The following NWD1 variants were observed in gnomAD, a reference collection of about 807,000 sequenced individuals.
The protein encoded by NWD1 is NACHT domain- and WD repeat-containing protein 1.
A neutral mutation model predicts 135.1 loss-of-function variants in NWD1; 129 were observed. The observed-to-expected ratio is 0.96, with a 90% CI of 0.83 to 1.11. The LOEUF (loss-of-function observed/expected upper bound fraction) is 1.11, where lower values mean the gene tolerates loss of function less well. NWD1 is among the 50% of genes least tolerant of loss of function. NWD1 has a pLI of 0.00. For synonymous variants in NWD1, 773 were observed against 786.0 expected (o/e 0.98, Z 0.28); for missense variants, 1,740 against 1,851.3 (o/e 0.94, Z 1.10).
At chr19:16,727,837 G>A (rs542689903) in intron 2 of NWD1, among the ~76,000 whole-genome samples, 23 of 152,196 alleles carry the variant, frequency 1.5e-4, no homozygotes, top group South Asian at 1.2e-3. Context: ...GAGGCGGGTG[G>A]ATCACTTGAG....
Position 16,793,542 on chromosome 19 carries a change from CT to C in NWD1, c.3214-911del, listed in dbSNP as rs535575082. Among the ~76,000 whole-genome samples the C allele has an allele frequency of 3.8e-4, 55 of 144,792 alleles. 1 individual carries two copies. The highest frequency in any genetic ancestry group is 3.6e-3 in the Middle Eastern group (1 of 276). The allele number at this position is 144,792 out of a possible 152,430, so 95.0% of individuals were successfully genotyped here. ...TACCTGGCCAGAATTTGTTTTTTAC[CT>C]TTTTTTTTTAACTGTTTTTTTGTTT... On this transcript the variant is annotated intron_variant, in intron 14 of 18. Coordinates refer to ENST00000524140, the MANE Select transcript of NWD1 (RefSeq NM_001007525.5).
chr19:16,779,579 C>T (rs1322434637), intron 12 of NWD1, 114 bp downstream of exon 12: 3 of 927,548 alleles, frequency 3.2e-6, no homozygotes, highest in East Asian at 2.4e-5. Context: ...TTTGTTCCTG[C>T]ATCACTTAGC....
chr19:16,764,756 GC>G (rs56683037), intron 9 of NWD1, among the ~76,000 whole-genome samples: 2 of 151,850 alleles, frequency 1.3e-5, no homozygotes, highest in East Asian at 3.9e-4. Context: ...AAGAGATTCT[GC>G]CCCCCCAGGG....
chr19:16,756,873 G>C (rs1968820285), intron 6 of NWD1, among the ~76,000 whole-genome samples: 1 of 152,090 alleles, frequency 6.6e-6, no homozygotes, highest in Non-Finnish European at 1.5e-5. Context: ...CTCTTGTCAG[G>C]TCAGCAGCAT....
intron 10 of NWD1, among the ~76,000 whole-genome samples, chr19:16,767,419 A>G (rs1027623955): frequency 6.6e-6 from 1 of 152,112 alleles, no homozygotes; most frequent in South Asian, 2.1e-4. Flanking sequence ...GTTTGAGACC[A>G]GCCTGGCCAA....
chr19:16,751,218 C>G (rs1302504170), intron 6 of NWD1, among the ~76,000 whole-genome samples: 1 of 122,588 alleles, frequency 8.2e-6, no homozygotes, highest in Non-Finnish European at 1.7e-5. Context: ...GAGCAAAACT[C>G]GATCTCAAAA....
At chr19:16,728,370 T>C (rs1967413017) in intron 2 of NWD1, among the ~76,000 whole-genome samples, 2 of 149,236 alleles carry the variant, frequency 1.3e-5, no homozygotes, top group East Asian at 2.0e-4. Context: ...CTATTACCTC[T>C]GTCTCCCAGG....
intron 12 of NWD1, among the ~76,000 whole-genome samples, chr19:16,785,468 G>A (rs879563646): frequency 5.3e-5 from 8 of 151,406 alleles, no homozygotes; most frequent in Middle Eastern, 3.4e-3. Flanking sequence ...CCGAGATTGC[G>A]TCACTGCACT....
intron 4 of NWD1, among the ~76,000 whole-genome samples, chr19:16,739,633 T>C (rs1249526718): frequency 6.6e-6 from 1 of 152,132 alleles, no homozygotes; most frequent in Non-Finnish European, 1.5e-5. Flanking sequence ...ATCATTCTGC[T>C]CCATGACTCT....
At chr19:16,767,302 A>C (rs945041083) in intron 10 of NWD1, among the ~76,000 whole-genome samples, 4 of 148,064 alleles carry the variant, frequency 2.7e-5, no homozygotes, top group Admixed American at 7.0e-5. Flanking sequence ...GGCGAGAGAG[A>C]GGGAGCAACT....
intron 6 of NWD1, among the ~76,000 whole-genome samples, 189 bp downstream of exon 6, chr19:16,750,600 T>C: frequency 6.6e-6 from 1 of 150,926 alleles, no homozygotes; most frequent in Non-Finnish European, 1.5e-5. Context: ...ACTACGGGCA[T>C]GCACCACTGT....
chr19:16,728,888 G>A (rs763622229), intron 2 of NWD1, among the ~76,000 whole-genome samples: 2 of 148,960 alleles, frequency 1.3e-5, no homozygotes, highest in Admixed American at 6.8e-5. Context: ...AGCTTGCAGC[G>A]AGCCGAGATC....
chr19:16,741,342 G>A, intron 4 of NWD1, among the ~76,000 whole-genome samples: 1 of 148,780 alleles, frequency 6.7e-6, no homozygotes, highest in East Asian at 2.0e-4. Flanking sequence ...CATGTTTTTG[G>A]TTTTTTTGTT....
chr19:16,759,801 C>A (rs1968939005), intron 7 of NWD1, among the ~76,000 whole-genome samples: 1 of 151,728 alleles, frequency 6.6e-6, no homozygotes, highest in African/African-American at 2.4e-5. Flanking sequence ...TGAGACCAGT[C>A]TGACCAACAT....
Position 16,749,359 on chromosome 19 carries a change from C to T in NWD1, c.717C>T (p.Leu239=). The T allele has an allele frequency of 6.2e-7, 1 of 1,613,590 alleles. No homozygotes were observed. Among genetic ancestry groups the T allele is most frequent in the South Asian group, 1.1e-5 (1 of 91,050 alleles). The part of the protein sequence containing the change: ...SHITDMHPGV[L]KTHRLPWSRD... ...TCACTGACATGCACCCAGGGGTCCT[C>T]AAGACCCACCGCCTGCCGTGGAGCC... is the stretch of plus-strand genomic sequence containing the variant. The change falls in exon 6 of 19, where the codon CTC becomes CTT. Residue 239 remains leucine, a synonymous_variant. Coordinates refer to ENST00000524140, the MANE Select transcript of NWD1 (RefSeq NM_001007525.5).
chr19:16,794,351 G>C, intron 14 of NWD1, 112 bp from the exon 15 acceptor site: 2 of 612,532 alleles, frequency 3.3e-6, no homozygotes, highest in Middle Eastern at 9.1e-4. Flanking sequence ...GGGAGACAGA[G>C]TGAGACTCCA....
At chr19:16,721,618 G>A (rs1967138328) in intron 1 of NWD1, 2 of 151,622 alleles carry the variant, frequency 1.3e-5, no homozygotes, top group African/African-American at 2.4e-5. Flanking sequence ...TGGTATCCAG[G>A]TGAGTTGTGG....
Position 16,750,113 on chromosome 19 carries a change from G to C in NWD1, c.1471G>C (p.Glu491Gln), listed in dbSNP as rs1968512125. Residue 491 changes from glutamate to glutamine, a missense_variant, in exon 6 of 19, where the codon GAG becomes CAG. Transcript: ENST00000524140. ...RVLLDPEAYW[E>Q]VKPLSGNQGQ... ...GCTCCTGGACCCGGAGGCCTACTGG[G>C]AGGTGAAGCCCCTTTCCGGAAACCA... is the stretch of plus-strand genomic sequence containing the variant. 1.9e-6 allele frequency: 3 copies of C among 1,613,916 alleles called. No homozygotes were observed. The African/African-American group carries it at 4.0e-5, about 22-fold the overall frequency.
chr19:16,786,570 A>G (rs1454754448), intron 12 of NWD1, among the ~76,000 whole-genome samples: 2 of 150,674 alleles, frequency 1.3e-5, no homozygotes, highest in African/African-American at 2.5e-5. Context: ...TTTTTGAGAC[A>G]GAGTCTCACT....
Sources: allele counts gnomAD v4.1 joint callset (sites outside exome capture counted in the v4.1 genomes callset), GRCh38; gene constraint gnomAD v4.1.1; transcripts MANE v1.5; gene names NCBI Gene and HGNC (gene_info 2026-07-23, HGNC 2026-07-21).